Variants in USP46 observed in about 807,000 individuals in gnomAD.
USP46 encodes the protein ubiquitin carboxyl-terminal hydrolase 46.
USP46 carries 12 observed loss-of-function variants against 44.4 expected under a neutral mutation model. That is an observed-to-expected ratio of 0.27 (90% CI 0.17 to 0.44). USP46 has a LOEUF of 0.44. Among genes scored for constraint, USP46 ranks in the 20% least tolerant of loss-of-function variants. The pLI, the probability that USP46 is intolerant of heterozygous loss-of-function variation, is 1.00. For missense variants in USP46, 248 were observed against 444.8 expected, an observed-to-expected ratio of 0.56 and a Z score of 3.98; for synonymous variants, 155 against 161.5, an observed-to-expected ratio of 0.96 and a Z score of 0.31.
intron 1 of USP46, among the ~76,000 whole-genome samples, chr4:52,649,763 G>A (rs1718684640): frequency 6.6e-6 from 1 of 152,178 alleles, no homozygotes; most frequent in South Asian, 2.1e-4. Flanking sequence ...GCTAGGCACT[G>A]TGCTGACAGC....
At chr4:52,617,456 A>T (rs1274454911) in intron 4 of USP46, among the ~76,000 whole-genome samples, 1 of 152,236 alleles carries the variant, frequency 6.6e-6, no homozygotes, top group Non-Finnish European at 1.5e-5. Flanking sequence ...AAATGGAACA[A>T]ATATAATTCA....
chr4:52,632,421 TATCATCATTCTAG>T (rs1312753662), intron 1 of USP46, among the ~76,000 whole-genome samples: 1 of 152,178 alleles, frequency 6.6e-6, no homozygotes, highest in Non-Finnish European at 1.5e-5. Context: ...CCATGGACTC[TATCATCATTCTAG>T]AGAAGGCTCT....
At chr4:52,637,332 A>G (rs1374392316) in intron 1 of USP46, among the ~76,000 whole-genome samples, 2 of 152,256 alleles carry the variant, frequency 1.3e-5, no homozygotes, top group Non-Finnish European at 2.9e-5. Context: ...CAGCTGCTAC[A>G]TGCCAACCAT....
rs140936846 is a variant in USP46, at chr4:52,656,383, T to G, written c.36+2732A>C. ...ATCCAGTGAAAAGACAGCAGTTTCC[T>G]CATACCCAGCCTTCTCCTCTGGGAA... On this transcript the variant is annotated intron_variant, in intron 1 of 8. Transcript: ENST00000441222. The G allele has an allele frequency of 1.7e-3, 2,219 of 1,288,158 alleles. 30 individuals are homozygous for G. The African/African-American group carries it at 0.032, about 19-fold the overall frequency. 79.8% of individuals were successfully genotyped at this position (1,288,158 alleles called of 1,614,324 possible).
At chr4:52,599,612 T>C (rs924552128) in intron 7 of USP46, among the ~76,000 whole-genome samples, 8 of 152,182 alleles carry the variant, frequency 5.3e-5, no homozygotes, top group Non-Finnish European at 8.8e-5. Flanking sequence ...TACTATGCTA[T>C]ATGGAAAAAA....
intron 1 of USP46, among the ~76,000 whole-genome samples, chr4:52,634,113 T>C (rs377421880): frequency 1.3e-5 from 2 of 151,888 alleles, no homozygotes; most frequent in Admixed American, 6.5e-5. Flanking sequence ...TTTTCGTGTC[T>C]TTTTTCTTTT....
intron 3 of USP46, among the ~76,000 whole-genome samples, chr4:52,626,471 G>A (rs946673996): frequency 2.0e-5 from 3 of 151,986 alleles, no homozygotes; most frequent in Non-Finnish European, 4.4e-5. Flanking sequence ...ACAGGTGCAT[G>A]CCACCACACC....
intron 1 of USP46, among the ~76,000 whole-genome samples, chr4:52,654,912 A>G (rs899881087): frequency 1.3e-5 from 2 of 152,212 alleles, no homozygotes; most frequent in South Asian, 4.1e-4. Context: ...TTTCATGACC[A>G]AAAACAGAAA....
intron 1 of USP46, among the ~76,000 whole-genome samples, chr4:52,644,940 C>T (rs1718490436): frequency 6.6e-6 from 1 of 152,158 alleles, no homozygotes; most frequent in Admixed American, 6.5e-5. Context: ...GCCTGTAAGC[C>T]AAGCTACTAA....
intron 1 of USP46, among the ~76,000 whole-genome samples, chr4:52,645,877 A>T (rs1457544726): frequency 1.3e-5 from 2 of 152,016 alleles, no homozygotes; most frequent in Non-Finnish European, 2.9e-5. Context: ...TTCTCACAAG[A>T]TCGGGTTGTT....
At chr4:52,632,998 G>GAAAGAAAGAGA (rs1717966882) in intron 1 of USP46, among the ~76,000 whole-genome samples, 2 of 112,588 alleles carry the variant, frequency 1.8e-5, no homozygotes, top group African/African-American at 7.5e-5. Context: ...AGAAAAGAAA[G>GAAAGAAAGAGA]AAAGAAAGAA....
intron 1 of USP46, among the ~76,000 whole-genome samples, chr4:52,639,101 T>C (rs1450306845): frequency 6.6e-6 from 1 of 152,206 alleles, no homozygotes; most frequent in East Asian, 1.9e-4. Context: ...AATGTTTGCA[T>C]AATAAAAGAA....
At chr4:52,648,104 T>C (rs1005418920) in intron 1 of USP46, among the ~76,000 whole-genome samples, 1 of 152,150 alleles carries the variant, frequency 6.6e-6, no homozygotes, top group East Asian at 1.9e-4. Context: ...TTTACAAGGG[T>C]AGAGAACATC....
At chr4:52,647,906 C>A (rs763979233) in intron 1 of USP46, among the ~76,000 whole-genome samples, 2 of 152,216 alleles carry the variant, frequency 1.3e-5, no homozygotes, top group Non-Finnish European at 2.9e-5. Context: ...TAGCTCAGGG[C>A]TCTGTCTACT....
At position 52,628,038 on chromosome 4, in the gene USP46, C is replaced by T. The variant is rs531415307; in HGVS notation, c.243G>A (p.Ala81=). ...GTGTGGCAATGCTGTGGAAAAGGTC[C>T]GCCAGGCACGTCAGCAAGTTTTCCT... is the stretch of plus-strand genomic sequence containing the variant. The part of the protein sequence containing the change: ...KKKENLLTCL[A]DLFHSIATQK... Residue 81 remains alanine (A), a synonymous_variant, in exon 3 of 9, where the codon GCG becomes GCA. Coordinates refer to ENST00000441222, the MANE Select transcript of USP46 (RefSeq NM_022832.4). 147 of 1,613,852 alleles carry T rather than the reference C, an allele frequency of 9.1e-5. No homozygotes were observed. The highest frequency in any genetic ancestry group is 1.2e-4 in the Non-Finnish European group (141 of 1,179,848).
intron 1 of USP46, among the ~76,000 whole-genome samples, chr4:52,631,518 AC>A (rs1428865016): frequency 1.3e-5 from 2 of 152,234 alleles, no homozygotes; most frequent in Non-Finnish European, 2.9e-5. Context: ...TCATATTACC[AC>A]TATCAAAGTC....
chr4:52,632,990 A>AAAGGAAAAG, intron 1 of USP46, among the ~76,000 whole-genome samples: 2 of 66,292 alleles, frequency 3.0e-5, no homozygotes, highest in Non-Finnish European at 6.1e-5. Flanking sequence ...GAAAGAAAAG[A>AAAGGAAAAG]AAAGAAAGAA....
chr4:52,606,425 T>A (rs1716691541), intron 5 of USP46, among the ~76,000 whole-genome samples: 1 of 152,144 alleles, frequency 6.6e-6, no homozygotes, highest in South Asian at 2.1e-4. Flanking sequence ...GGCCTCACAA[T>A]CATGGCAGAA....
intron 1 of USP46, among the ~76,000 whole-genome samples, chr4:52,631,632 T>C (rs1156441409): frequency 1.3e-5 from 2 of 152,298 alleles, no homozygotes; most frequent in East Asian, 3.9e-4. Context: ...AAACACACAA[T>C]GCCTGCTCTC....
Sources: gnomAD v4.1 joint callset for allele counts (sites outside exome capture counted in the v4.1 genomes callset) on GRCh38, gnomAD v4.1.1 for gene constraint, MANE v1.5 for transcripts, NCBI Gene and HGNC (gene_info 2026-07-23, HGNC 2026-07-21) for gene names.